The following NXN variants were observed in gnomAD, a reference collection of about 807,000 sequenced individuals.
The protein encoded by NXN is nucleoredoxin 1.
A neutral mutation model predicts 48.6 loss-of-function variants in NXN; 16 were observed. That is an observed-to-expected ratio of 0.33 (90% CI 0.22 to 0.50). The LOEUF (loss-of-function observed/expected upper bound fraction) is 0.50. Ranked by LOEUF, NXN falls within the 20% of genes least tolerant of loss-of-function variation. NXN has a pLI of 0.98. For synonymous variants in NXN, 281 were observed against 269.6 expected (o/e 1.04, Z -0.41); for missense variants, 492 against 605.5 (o/e 0.81, Z 1.97).
chr17:832,620 T>C (rs1164276897), intron 1 of NXN, among the ~76,000 whole-genome samples: 2 of 152,158 alleles, frequency 1.3e-5, no homozygotes, highest in African/African-American at 4.8e-5. Context: ...GAAACTCTTA[T>C]GTGAGTAGAA....
chr17:851,518 C>T (rs901481147), intron 1 of NXN, among the ~76,000 whole-genome samples: 14 of 152,228 alleles, frequency 9.2e-5, no homozygotes, highest in African/African-American at 3.4e-4. Context: ...CATCCCTTCA[C>T]CTCTTTGAGA....
At chr17:835,046 C>T (rs150016652) in intron 1 of NXN, among the ~76,000 whole-genome samples, 4,306 of 151,684 alleles carry the variant, frequency 0.028, 86 homozygotes, top group Non-Finnish European at 0.046. Context: ...CGGTGGCTCA[C>T]GCCCGTAATC....
intron 1 of NXN, among the ~76,000 whole-genome samples, chr17:914,860 A>C (rs2068671063): frequency 6.6e-6 from 1 of 152,238 alleles, no homozygotes; most frequent in Non-Finnish European, 1.5e-5. Context: ...AGCACAGGCA[A>C]ATAAAGCAAG....
intron 1 of NXN, among the ~76,000 whole-genome samples, chr17:843,043 AGAAAGAAAGAAAGAAG>A (rs1454653915): frequency 0.023 from 3,077 of 135,712 alleles, 44 homozygotes; most frequent in African/African-American, 0.035. Context: ...AAAGAAAGAA[AGAAAGAAAGAAAGAAG>A]GAAGAAAGCA....
intron 1 of NXN, among the ~76,000 whole-genome samples, chr17:880,459 C>T (rs1252794760): frequency 6.6e-6 from 1 of 152,084 alleles, no homozygotes; most frequent in Non-Finnish European, 1.5e-5. Flanking sequence ...TTACACTTTT[C>T]CTGGAGAGAA....
chr17:810,758 G>C (rs191362490), intron 5 of NXN, among the ~76,000 whole-genome samples: 1 of 152,078 alleles, frequency 6.6e-6, no homozygotes, highest in Non-Finnish European at 1.5e-5. Flanking sequence ...GCGTGGTAGC[G>C]CACCCCTGTA....
chr17:799,836 C>T lies in NXN; in HGVS notation c.*1113G>A. ...GTTCTGCTTTGAAAAGAAAAGGGGG[C>T]CGGGCACGGCGGCTCACGCCTGTAA... On this transcript the variant is annotated 3_prime_UTR_variant, in exon 8 of 8. Transcript: ENST00000336868. 1 of 152,478 alleles carries T rather than the reference C, an allele frequency of 6.6e-6. No homozygotes were observed. The highest frequency in any genetic ancestry group is 1.5e-5 in the Non-Finnish European group (1 of 68,174). 9.4% of individuals were successfully genotyped at this position (152,478 alleles called of 1,614,324 possible).
intron 1 of NXN, chr17:909,663 C>G (rs1185028054): frequency 6.6e-6 from 1 of 151,844 alleles, no homozygotes; most frequent in African/African-American, 2.4e-5. Context: ...CTCAGCCTCC[C>G]GAGTAGCTGG....
At chr17:807,311 A>G (rs568292738) in intron 5 of NXN, among the ~76,000 whole-genome samples, 2 of 152,192 alleles carry the variant, frequency 1.3e-5, no homozygotes. Context: ...GCACTGGGGT[A>G]AACCAGAGCC....
intron 7 of NXN, among the ~76,000 whole-genome samples, chr17:803,041 A>T (rs1911288679): frequency 6.6e-6 from 1 of 152,122 alleles, no homozygotes; most frequent in Non-Finnish European, 1.5e-5. Context: ...AGTCGCGGAG[A>T]CGCCCGTCTG....
At chr17:804,408 G>A (rs774818388) in intron 6 of NXN, among the ~76,000 whole-genome samples, 26 of 150,582 alleles carry the variant, frequency 1.7e-4, no homozygotes, top group Non-Finnish European at 2.2e-4. Context: ...TCAGCCTCCC[G>A]AGTAGCTGGG....
At chr17:902,692 C>T (rs899631199) in intron 1 of NXN, among the ~76,000 whole-genome samples, 4 of 151,778 alleles carry the variant, frequency 2.6e-5, no homozygotes, top group East Asian at 1.9e-4. Context: ...CATCATCAGC[C>T]CCTCCCATCA....
intron 5 of NXN, among the ~76,000 whole-genome samples, chr17:811,679 G>A (rs372713908): frequency 4.6e-5 from 7 of 152,234 alleles, no homozygotes; most frequent in East Asian, 1.9e-4. Flanking sequence ...CAGCGGCAGT[G>A]GGACTTTGGC....
At chr17:924,096 C>T (rs145999179) in intron 1 of NXN, among the ~76,000 whole-genome samples, 2,177 of 149,392 alleles carry the variant, frequency 0.015, 56 homozygotes, top group African/African-American at 0.049. Flanking sequence ...GAGACAGGGT[C>T]TCACTCTGTT....
chr17:943,170 C>A (rs939694020), intron 1 of NXN, among the ~76,000 whole-genome samples: 5 of 152,224 alleles, frequency 3.3e-5, no homozygotes, highest in South Asian at 2.1e-4. Flanking sequence ...TTAATGTTAG[C>A]CCCTGCGCAG....
intron 1 of NXN, among the ~76,000 whole-genome samples, chr17:829,816 G>C (rs1179630641): frequency 6.6e-6 from 1 of 152,052 alleles, no homozygotes; most frequent in Non-Finnish European, 1.5e-5. Flanking sequence ...CTTTTTTATG[G>C]CTGTATAGTA....
intron 1 of NXN, among the ~76,000 whole-genome samples, chr17:892,223 C>A (rs992746186): frequency 1.3e-5 from 2 of 151,084 alleles, no homozygotes; most frequent in African/African-American, 4.9e-5. Flanking sequence ...CATGCACAGC[C>A]CAACAGGGAA....
At chr17:835,134 C>T (rs1476384863) in intron 1 of NXN, among the ~76,000 whole-genome samples, 1 of 151,362 alleles carries the variant, frequency 6.6e-6, no homozygotes, top group Non-Finnish European at 1.5e-5. Context: ...TGGTGAAACC[C>T]TGTCTCTACT....
Position 800,714 on chromosome 17 carries a change from C to T in NXN, c.*235G>A. The T allele has an allele frequency of 2.8e-6, 1 of 363,314 alleles. No homozygotes were observed. Among genetic ancestry groups the T allele is most frequent in the Non-Finnish European group, 4.9e-6 (1 of 203,162 alleles). The allele number at this position is 363,314 out of a possible 1,614,324, so 22.5% of individuals were successfully genotyped here. ...ATGCAGCCCCGCTCTGGCCGGGCCC[C>T]CGGCCATCCCGTGCTCCCAAACAGA... On this transcript the variant is annotated 3_prime_UTR_variant, in exon 8 of 8. Transcript: ENST00000336868.
Sources: gnomAD v4.1 joint callset for allele counts (sites outside exome capture counted in the v4.1 genomes callset) on GRCh38, gnomAD v4.1.1 for gene constraint, MANE v1.5 for transcripts, NCBI Gene and HGNC (gene_info 2026-07-23, HGNC 2026-07-21) for gene names.